MAP3K1: variants seen among roughly 807,000 people sequenced by gnomAD.
MAP3K1 encodes mitogen-activated protein kinase kinase kinase 1.
In MAP3K1, 36 loss-of-function variants were observed where a neutral mutation model predicts 144.2. The observed-to-expected ratio is 0.25, with a 90% CI of 0.19 to 0.33. The LOEUF (loss-of-function observed/expected upper bound fraction) is 0.33, where lower values mean the gene tolerates loss of function less well. Among genes scored for constraint, MAP3K1 ranks in the 10% least tolerant of loss-of-function variants. MAP3K1 has a pLI of 1.00. For synonymous variants in MAP3K1, 718 were observed against 688.7 expected (o/e 1.04, Z -0.67); for missense variants, 1,650 against 1,881.9 (o/e 0.88, Z 2.28).
intron 3 of MAP3K1, among the ~76,000 whole-genome samples, chr5:56,861,879 A>G (rs761950917): frequency 5.3e-5 from 8 of 152,212 alleles, no homozygotes; most frequent in Admixed American, 2.6e-4. Context: ...GATAGTGACC[A>G]CAAGAGGAGT....
At chr5:56,825,415 C>T (rs1746282709) in intron 1 of MAP3K1, among the ~76,000 whole-genome samples, 1 of 152,156 alleles carries the variant, frequency 6.6e-6, no homozygotes, top group South Asian at 2.1e-4. Flanking sequence ...GATTATCAGC[C>T]GTATCTTTGC....
At chr5:56,823,076 A>G (rs1160538558) in intron 1 of MAP3K1, among the ~76,000 whole-genome samples, 1 of 152,146 alleles carries the variant, frequency 6.6e-6, no homozygotes, top group Non-Finnish European at 1.5e-5. Context: ...TCCAAATGTA[A>G]ATCTGATCAT....
intron 1 of MAP3K1, among the ~76,000 whole-genome samples, chr5:56,849,184 C>T (rs1747088585): frequency 6.6e-6 from 1 of 151,882 alleles, no homozygotes; most frequent in African/African-American, 2.4e-5. Flanking sequence ...CCCATCTGTA[C>T]AAAAAGTACA....
intron 3 of MAP3K1, among the ~76,000 whole-genome samples, chr5:56,864,452 A>G (rs1272544020): frequency 6.9e-6 from 1 of 145,044 alleles, no homozygotes; most frequent in Non-Finnish European, 1.5e-5. Flanking sequence ...ATCTCGGCTT[A>G]CTGCAACCTC....
chr5:56,839,154 TC>T (rs1435331404), intron 1 of MAP3K1, among the ~76,000 whole-genome samples: 1 of 152,214 alleles, frequency 6.6e-6, no homozygotes, highest in Non-Finnish European at 1.5e-5. Flanking sequence ...TTTTTGTAGT[TC>T]CTAACAATAG....
chr5:56,859,903 T>G lies in MAP3K1; in HGVS notation c.822T>G (p.Val274=). 6.2e-7 allele frequency: 1 copy of G among 1,611,842 alleles called. No homozygotes were observed. Among genetic ancestry groups the G allele is most frequent in the Non-Finnish European group, 8.5e-7 (1 of 1,178,750 alleles). Residue 274 remains valine, a synonymous_variant, in exon 3 of 20, where the codon GTT becomes GTG. Coordinates refer to ENST00000399503, the MANE Select transcript of MAP3K1 (RefSeq NM_005921.2). ...SESPGVRRKR[V]SPVPFQSGRI... is the part of the protein sequence containing the mutation. The stretch of plus-strand genomic sequence containing the variant: ...CTCCAGGAGTAAGGAGAAAAAGAGT[T>G]TCCCCAGTGCCTGTAAGTTAATGTT...
chr5:56,853,677 C>G (rs1747246593), intron 1 of MAP3K1, among the ~76,000 whole-genome samples: 1 of 152,060 alleles, frequency 6.6e-6, no homozygotes, highest in Non-Finnish European at 1.5e-5. Flanking sequence ...TTGGGAAAGT[C>G]TCTGAGGAGT....
Position 56,882,406 on chromosome 5 carries a change from A to G in MAP3K1, c.3206A>G (p.Asn1069Ser). 3 of 1,614,176 alleles carry G rather than the reference A, an allele frequency of 1.9e-6. No homozygotes were observed. Among genetic ancestry groups the G allele is most frequent in the Non-Finnish European group, 2.5e-6 (3 of 1,179,998 alleles). ...RPKPSRPTPG[N>S]TSKQGDPSKN... Reference sequence around the variant, plus strand: ...AAGCCATCTAGACCTACCCCAGGTAATACAAGTAAACAGGGAGATCCCTCA... The same window carrying G: ...AAGCCATCTAGACCTACCCCAGGTAGTACAAGTAAACAGGGAGATCCCTCA... Residue 1069 changes from asparagine to serine, a missense_variant, in exon 14 of 20, where the codon AAT becomes AGT. Asn to Ser is a conservative substitution (Grantham distance 46, BLOSUM62 1). Transcript: ENST00000399503.
At chr5:56,854,106 G>A (rs1025022223) in intron 1 of MAP3K1, among the ~76,000 whole-genome samples, 17 of 152,216 alleles carry the variant, frequency 1.1e-4, no homozygotes, top group African/African-American at 3.9e-4. Context: ...CTTCATTTGT[G>A]TACATTTTTA....
At chr5:56,828,607 A>G (rs1035068980) in intron 1 of MAP3K1, among the ~76,000 whole-genome samples, 4 of 152,252 alleles carry the variant, frequency 2.6e-5, no homozygotes, top group East Asian at 1.9e-4. Context: ...AAAAAGCGTA[A>G]TAACTGCTAG....
At chr5:56,830,977 C>A (rs556685609) in intron 1 of MAP3K1, among the ~76,000 whole-genome samples, 1 of 150,628 alleles carries the variant, frequency 6.6e-6, no homozygotes, top group African/African-American at 2.4e-5. Context: ...GGTAACAGCA[C>A]GTAAATGTTT....
chr5:56,827,466 T>C (rs1363904283), intron 1 of MAP3K1, among the ~76,000 whole-genome samples: 1 of 152,176 alleles, frequency 6.6e-6, no homozygotes, highest in African/African-American at 2.4e-5. Flanking sequence ...GTTCACAGAT[T>C]GGGAAGTGTT....
At chr5:56,859,950 A>G in intron 3 of MAP3K1, 35 bp downstream of exon 3, 1 of 1,516,240 alleles carries the variant, frequency 6.6e-7, no homozygotes, top group African/African-American at 1.4e-5. Flanking sequence ...GTTAGTTTTT[A>G]TAATTTTTAG....
chr5:56,856,358 A>G (rs1747343938), intron 1 of MAP3K1, among the ~76,000 whole-genome samples: 1 of 152,230 alleles, frequency 6.6e-6, no homozygotes, highest in Non-Finnish European at 1.5e-5. Context: ...TTGTTAATAT[A>G]GTGCTTAATG....
intron 1 of MAP3K1, among the ~76,000 whole-genome samples, chr5:56,827,875 A>T (rs60985357): frequency 0.099 from 15,047 of 151,994 alleles, 1,212 homozygotes; most frequent in East Asian, 0.34. Context: ...AAAAAAAAAA[A>T]AGAACCTGGG....
At chr5:56,832,511 A>G (rs908093458) in intron 1 of MAP3K1, among the ~76,000 whole-genome samples, 14 of 152,202 alleles carry the variant, frequency 9.2e-5, no homozygotes, top group Admixed American at 5.9e-4. Context: ...TTTGATTCCC[A>G]TTTTACATAT....
Position 56,881,216 on chromosome 5 carries a change from A to G in MAP3K1, c.2313A>G (p.Glu771=), listed in dbSNP as rs771299498. ...GACTGTTGTTGGAATTTCCTGCTGA[A>G]TTTTATCCTCATATTGTCAGTACTG... ...IDRLLLEFPA[E]FYPHIVSTDV... The change falls in exon 13 of 20, where the codon GAA becomes GAG. Residue 771 remains glutamate (E), a synonymous_variant. Coordinates refer to ENST00000399503, the MANE Select transcript of MAP3K1 (RefSeq NM_005921.2). 24 of 1,613,640 alleles carry G rather than the reference A, an allele frequency of 1.5e-5. No homozygotes were observed. The highest frequency in any genetic ancestry group is 2.0e-5 in the Non-Finnish European group (24 of 1,179,932).
chr5:56,824,803 G>A (rs1294874019), intron 1 of MAP3K1, among the ~76,000 whole-genome samples: 1 of 152,130 alleles, frequency 6.6e-6, no homozygotes, highest in East Asian at 1.9e-4. Context: ...CTTACCGAAT[G>A]TCTTATCTAT....
intron 1 of MAP3K1, among the ~76,000 whole-genome samples, chr5:56,828,788 G>A (rs79402951): frequency 0.027 from 4,034 of 152,116 alleles, 197 homozygotes; most frequent in African/African-American, 0.091. Context: ...ATAAAGAAGG[G>A]ACATTTTTGG....
Sources: allele counts gnomAD v4.1 joint callset (sites outside exome capture counted in the v4.1 genomes callset), GRCh38; gene constraint gnomAD v4.1.1; transcripts MANE v1.5; gene names NCBI Gene and HGNC (gene_info 2026-07-23, HGNC 2026-07-21).